The following RYR2 variants were observed in gnomAD, a reference collection of about 807,000 sequenced individuals.
The protein encoded by RYR2 is ryanodine receptor 2, also known as cardiac muscle ryanodine receptor-calcium release channel.
In RYR2, 227 loss-of-function variants were observed where a neutral mutation model predicts 601.1. The observed-to-expected ratio is 0.38, with a 90% CI of 0.34 to 0.42. The LOEUF is 0.42. Ranked by LOEUF, RYR2 falls within the 10% of genes least tolerant of loss-of-function variation. The probability of loss-of-function intolerance (pLI) is 1.00; values close to 1 mark genes in which losing one functional copy is unlikely to be tolerated. For synonymous variants in RYR2, 2,223 were observed against 2,175.1 expected, an observed-to-expected ratio of 1.02 and a Z score of -0.61; for missense variants, 4,646 against 6,156.5, an observed-to-expected ratio of 0.75 and a Z score of 8.21.
At chr1:237,307,510 T>C (rs954426553) in intron 2 of RYR2, among the ~76,000 whole-genome samples, 1 of 152,256 alleles carries the variant, frequency 6.6e-6, no homozygotes, top group African/African-American at 2.4e-5. Flanking sequence ...GTAATTCCTT[T>C]TGTAATATGT....
intron 96 of RYR2, among the ~76,000 whole-genome samples, chr1:237,797,482 C>T (rs1217113489): frequency 1.3e-5 from 2 of 152,156 alleles, no homozygotes; most frequent in African/African-American, 2.4e-5. Flanking sequence ...AAGGATGCCA[C>T]CCCTGTGATG....
At chr1:237,367,753 A>G (rs192013848) in intron 5 of RYR2, among the ~76,000 whole-genome samples, 1 of 152,306 alleles carries the variant, frequency 6.6e-6, no homozygotes, top group Non-Finnish European at 1.5e-5. Flanking sequence ...ACCCAACACT[A>G]AAATTCCATG....
intron 1 of RYR2, among the ~76,000 whole-genome samples, chr1:237,243,872 C>T (rs1385861665): frequency 2.6e-5 from 4 of 152,172 alleles, no homozygotes; most frequent in South Asian, 2.1e-4. Flanking sequence ...AACATTATAA[C>T]ACAATGTGGC....
chr1:237,749,563 C>T (rs1409003457), intron 80 of RYR2, among the ~76,000 whole-genome samples: 1 of 152,070 alleles, frequency 6.6e-6, no homozygotes, highest in African/African-American at 2.4e-5. Context: ...GATTATCAGC[C>T]AGGTGCTGTG....
chr1:237,380,040 G>A (rs1200519022), intron 8 of RYR2, among the ~76,000 whole-genome samples: 2 of 152,060 alleles, frequency 1.3e-5, no homozygotes, highest in Non-Finnish European at 2.9e-5. Context: ...TGAGGATATT[G>A]TAAGACAGTA....
At chr1:237,736,008 A>G (rs1256225261) in intron 79 of RYR2, among the ~76,000 whole-genome samples, 6 of 152,240 alleles carry the variant, frequency 3.9e-5, no homozygotes, top group Non-Finnish European at 8.8e-5. Flanking sequence ...CCATGAAAGA[A>G]AAGTTTCACA....
At chr1:237,205,129 C>G (rs565968917) in intron 1 of RYR2, among the ~76,000 whole-genome samples, 5 of 152,316 alleles carry the variant, frequency 3.3e-5, no homozygotes, top group Admixed American at 3.3e-4. Flanking sequence ...GTAACGTTAG[C>G]CTCTATTTGC....
At chr1:237,660,695 C>A in intron 55 of RYR2, 115 bp from the exon 56 acceptor site, 1 of 843,480 alleles carries the variant, frequency 1.2e-6, no homozygotes, top group Admixed American at 3.2e-5. Context: ...TTTAAATAAG[C>A]TATGCTCATC....
intron 70 of RYR2, among the ~76,000 whole-genome samples, chr1:237,711,406 C>T (rs1688830758): frequency 6.6e-6 from 1 of 152,118 alleles, no homozygotes; most frequent in African/African-American, 2.4e-5. Flanking sequence ...CTCGGAAAGT[C>T]TATGTTAATC....
intron 2 of RYR2, among the ~76,000 whole-genome samples, chr1:237,278,245 A>ATTTTTTTT (rs71561863): frequency 4.5e-4 from 30 of 67,022 alleles, no homozygotes; most frequent in East Asian, 2.0e-3. Flanking sequence ...TAATTTTTGT[A>ATTTTTTTT]TTTTTTTTTT....
At chr1:237,158,386 G>T (rs896082823) in intron 1 of RYR2, among the ~76,000 whole-genome samples, 1 of 152,182 alleles carries the variant, frequency 6.6e-6, no homozygotes, top group Non-Finnish European at 1.5e-5. Flanking sequence ...GGAAGAAAGA[G>T]ATTAGAGTTC....
chr1:237,170,715 G>C (rs1255887931), intron 1 of RYR2, among the ~76,000 whole-genome samples: 2 of 152,198 alleles, frequency 1.3e-5, no homozygotes, highest in East Asian at 1.9e-4. Context: ...AAGACATTGA[G>C]GAGGAAGATA....
intron 1 of RYR2, among the ~76,000 whole-genome samples, chr1:237,046,099 G>C (rs1030208182): frequency 6.6e-6 from 1 of 152,004 alleles, no homozygotes; most frequent in Non-Finnish European, 1.5e-5. Flanking sequence ...TCTTCTCAGT[G>C]TTCATACATC....
At chr1:237,371,192 G>C (rs538389590) in intron 6 of RYR2, among the ~76,000 whole-genome samples, 131 of 151,844 alleles carry the variant, frequency 8.6e-4, no homozygotes, top group Middle Eastern at 3.4e-3. Context: ...GGGTCTTGCT[G>C]TCACCCAGGC....
At chr1:237,806,333 A>G (rs1190995552) in intron 99 of RYR2, 50 bp downstream of exon 99, 2 of 1,543,850 alleles carry the variant, frequency 1.3e-6, no homozygotes, top group Non-Finnish European at 1.8e-6. Context: ...AAAGCAACAA[A>G]TAAAACAAAG....
At chr1:237,657,884 A>T in intron 53 of RYR2, 60 bp from the exon 54 acceptor site, 2 of 904,670 alleles carry the variant, frequency 2.2e-6, no homozygotes, top group Non-Finnish European at 3.4e-6. Flanking sequence ...GTAAATTATT[A>T]ATATGATTTC....
intron 80 of RYR2, among the ~76,000 whole-genome samples, chr1:237,744,517 G>T (rs539140421): frequency 2.0e-5 from 3 of 151,864 alleles, no homozygotes; most frequent in African/African-American, 7.3e-5. Flanking sequence ...TTAGCCGGGC[G>T]TGGTAGTGCA....
chr1:237,731,126 A>T (rs1174498156), intron 77 of RYR2, among the ~76,000 whole-genome samples: 2 of 152,172 alleles, frequency 1.3e-5, no homozygotes, highest in African/African-American at 4.8e-5. Flanking sequence ...AATGATTTTT[A>T]TCTGTCTTTA....
chr1:237,723,283 A>G (rs368454743), intron 74 of RYR2, 21 bp downstream of exon 74: 89 of 1,597,348 alleles, frequency 5.6e-5, no homozygotes, highest in African/African-American at 2.3e-4. Flanking sequence ...GTGTCAATTC[A>G]ATCATATTTG....
Sources: gnomAD v4.1 joint callset for allele counts (sites outside exome capture counted in the v4.1 genomes callset) on GRCh38, gnomAD v4.1.1 for gene constraint, MANE v1.5 for transcripts, NCBI Gene and HGNC (gene_info 2026-07-23, HGNC 2026-07-21) for gene names.